DNAJC1: variants seen among roughly 807,000 people sequenced by gnomAD.
DNAJC1 encodes the protein dnaJ homolog subfamily C member 1.
In DNAJC1, 58 loss-of-function variants were observed where a neutral mutation model predicts 76.6. The observed-to-expected ratio is 0.76, with a 90% CI of 0.61 to 0.94. The LOEUF (loss-of-function observed/expected upper bound fraction) is 0.94, where lower values mean the gene tolerates loss of function less well. DNAJC1 is among the 40% of genes least tolerant of loss of function. The probability of loss-of-function intolerance (pLI) is 0.00; values close to 1 mark genes in which losing one functional copy is unlikely to be tolerated. For synonymous variants in DNAJC1, 258 were observed against 267.9 expected, an observed-to-expected ratio of 0.96 and a Z score of 0.36; for missense variants, 689 against 677.3, an observed-to-expected ratio of 1.02 and a Z score of -0.19.
intron 8 of DNAJC1, among the ~76,000 whole-genome samples, chr10:21,864,014 G>C (rs1385662781): frequency 2.6e-5 from 4 of 151,746 alleles, no homozygotes; most frequent in Non-Finnish European, 5.9e-5. Flanking sequence ...ACCAGCCTAA[G>C]GAACATGGCA....
chr10:21,967,903 A>G (rs1837918081), intron 1 of DNAJC1, among the ~76,000 whole-genome samples: 1 of 152,238 alleles, frequency 6.6e-6, no homozygotes, highest in African/African-American at 2.4e-5. Context: ...CTCAGAGGCC[A>G]TACCAACGTT....
chr10:21,891,753 T>C (rs1836467014), intron 7 of DNAJC1, among the ~76,000 whole-genome samples: 1 of 152,084 alleles, frequency 6.6e-6, no homozygotes, highest in Admixed American at 6.6e-5. Context: ...CAAGACATCC[T>C]GAGATGAAGG....
At chr10:21,803,649 A>G (rs1348921831) in intron 9 of DNAJC1, 1 of 158,220 alleles carries the variant, frequency 6.3e-6, no homozygotes, top group African/African-American at 2.5e-5. Flanking sequence ...GTGTGTGGAC[A>G]TATGCATGTG....
intron 9 of DNAJC1, among the ~76,000 whole-genome samples, chr10:21,791,382 G>T (rs1834685104): frequency 6.6e-6 from 1 of 152,144 alleles, no homozygotes; most frequent in African/African-American, 2.4e-5. Flanking sequence ...TTGCATCTTA[G>T]ACCAAATGGA....
chr10:21,986,430 C>T (rs1224539547), intron 1 of DNAJC1, among the ~76,000 whole-genome samples: 1 of 152,072 alleles, frequency 6.6e-6, no homozygotes, highest in Non-Finnish European at 1.5e-5. Flanking sequence ...TTTTCATGTG[C>T]TTATTAGCAT....
intron 1 of DNAJC1, among the ~76,000 whole-genome samples, chr10:21,980,071 T>G (rs1376715577): frequency 6.6e-6 from 1 of 152,080 alleles, no homozygotes; most frequent in African/African-American, 2.4e-5. Context: ...TTAGGTTATC[T>G]AGTCTAACTT....
chr10:21,776,397 A>G lies in DNAJC1; in HGVS notation c.1099-10088T>C, dbSNP rs773021230. On this transcript the variant is annotated intron_variant, in intron 9 of 11. Coordinates refer to ENST00000376980, the MANE Select transcript of DNAJC1 (RefSeq NM_022365.4). ...ATTTTTCAAATTCTGGCTGTCAGTG[A>G]TATTTTAAGTATTACTCTAGTAACA... 1.4e-3 allele frequency among the ~76,000 whole-genome samples: 213 copies of G among 152,258 alleles called. 1 individual carries two copies. Among genetic ancestry groups the G allele is most frequent in the Non-Finnish European group, 1.1e-3 (74 of 68,002 alleles).
In DNAJC1 at chr10:21,867,675, GACCTAGGTTTC is replaced by G. The variant is rs1836025512; in HGVS notation, c.978+14596_978+14606del. On this transcript the variant is annotated intron_variant, in intron 8 of 11. Coordinates refer to ENST00000376980, the MANE Select transcript of DNAJC1 (RefSeq NM_022365.4). Reference sequence around the variant, plus strand: ...CTGGTTCCCACATGGCACTGGATTTGACCTAGGTTTCACCTAGAACCTCATTATATGCTCAT... The same window carrying G: ...CTGGTTCCCACATGGCACTGGATTTGACCTAGAACCTCATTATATGCTCAT... 2.0e-5 allele frequency among the ~76,000 whole-genome samples: 3 copies of G among 152,212 alleles called. No homozygotes were observed. The South Asian group carries it at 6.2e-4, about 32-fold the overall frequency.
chr10:21,832,143 G>C (rs1433955381), intron 8 of DNAJC1, among the ~76,000 whole-genome samples: 3 of 152,138 alleles, frequency 2.0e-5, no homozygotes, highest in Non-Finnish European at 4.4e-5. Context: ...AATTCTCACA[G>C]TCTAGATTTC....
intron 10 of DNAJC1, among the ~76,000 whole-genome samples, chr10:21,763,565 GTTTTT>G (rs34169717): frequency 7.9e-6 from 1 of 127,370 alleles, no homozygotes; most frequent in Non-Finnish European, 1.6e-5. Flanking sequence ...TGTGCAGGTT[GTTTTT>G]TTTTTTTTTT....
chr10:21,781,113 C>T (rs1182008834), intron 9 of DNAJC1, among the ~76,000 whole-genome samples: 1 of 152,138 alleles, frequency 6.6e-6, no homozygotes, highest in Non-Finnish European at 1.5e-5. Context: ...TAGAGACATA[C>T]AAAGAGACTT....
At chr10:21,799,315 T>G (rs769425743) in intron 9 of DNAJC1, among the ~76,000 whole-genome samples, 14 of 152,124 alleles carry the variant, frequency 9.2e-5, no homozygotes, top group African/African-American at 3.4e-4. Flanking sequence ...TTTTTTTGTT[T>G]TGAGACAGGG....
intron 9 of DNAJC1, among the ~76,000 whole-genome samples, chr10:21,796,416 C>T (rs916252329): frequency 4.6e-5 from 7 of 152,106 alleles, no homozygotes; most frequent in Non-Finnish European, 1.0e-4. Context: ...AGTGCAGATA[C>T]CTCTTTGAGA....
At chr10:21,964,080 T>G (rs1837847370) in intron 1 of DNAJC1, among the ~76,000 whole-genome samples, 1 of 152,238 alleles carries the variant, frequency 6.6e-6, no homozygotes, top group Admixed American at 6.5e-5. Context: ...TTGTCTAAAG[T>G]TAATTAATGG....
In DNAJC1 at chr10:22,003,672, C is replaced by A; in HGVS notation, c.-238G>T. 1 of 416,836 alleles carries A rather than the reference C, an allele frequency of 2.4e-6. No individual in the cohort carries two copies. The highest frequency in any genetic ancestry group is 4.6e-5 in the Admixed American group (1 of 21,644). 25.8% of individuals were successfully genotyped at this position (416,836 alleles called of 1,614,324 possible). Reference sequence around the variant, plus strand: ...CAGCCAGCGCTACGTTCCGAAGACCCTCGCCCCCAGGCCTACACACAGCTG... The same window carrying A: ...CAGCCAGCGCTACGTTCCGAAGACCATCGCCCCCAGGCCTACACACAGCTG... On this transcript the variant is annotated 5_prime_UTR_variant, in exon 1 of 12. The change creates a new upstream start codon in the 5' untranslated region. Coordinates refer to ENST00000376980, the MANE Select transcript of DNAJC1 (RefSeq NM_022365.4).
At chr10:21,985,299 G>T (rs1365107144) in intron 1 of DNAJC1, among the ~76,000 whole-genome samples, 1 of 150,354 alleles carries the variant, frequency 6.7e-6, no homozygotes, top group Admixed American at 6.6e-5. Flanking sequence ...GCCCAGGCTG[G>T]AGTGCAGGGG....
intron 8 of DNAJC1, among the ~76,000 whole-genome samples, chr10:21,827,365 A>G (rs1461755054): frequency 6.6e-6 from 1 of 152,168 alleles, no homozygotes; most frequent in African/African-American, 2.4e-5. Context: ...ATTCATTTTA[A>G]CTGCAAGGTA....
intron 8 of DNAJC1, among the ~76,000 whole-genome samples, chr10:21,815,896 A>T (rs1835067251): frequency 6.6e-6 from 1 of 151,250 alleles, no homozygotes. Flanking sequence ...CAGGCCCGCC[A>T]CCACGTCTGG....
In DNAJC1 at chr10:22,003,632, A is replaced by T; in HGVS notation, c.-198T>A. The T allele has an allele frequency of 3.4e-5, 16 of 469,290 alleles. No homozygotes were observed. Among genetic ancestry groups the T allele is most frequent in the East Asian group, 4.2e-5 (1 of 23,952 alleles). The allele number at this position is 469,290 out of a possible 1,614,324, so 29.1% of individuals were successfully genotyped here. ...CCGGCTGCCGGACGGGCGGGTGGGT[A>T]GGCGGGCGGGGCCGCAGCCAGCGCT... On this transcript the variant is annotated 5_prime_UTR_variant, in exon 1 of 12. Coordinates refer to ENST00000376980, the MANE Select transcript of DNAJC1 (RefSeq NM_022365.4).
Sources: gnomAD v4.1 joint callset for allele counts (sites outside exome capture counted in the v4.1 genomes callset) on GRCh38, gnomAD v4.1.1 for gene constraint, MANE v1.5 for transcripts, NCBI Gene and HGNC (gene_info 2026-07-23, HGNC 2026-07-21) for gene names.